BMP8A: variants seen among roughly 807,000 people sequenced by gnomAD.
BMP8A encodes bone morphogenetic protein 8a, also known as BMP-8A.
A neutral mutation model predicts 36.8 loss-of-function variants in BMP8A; 14 were observed. The observed-to-expected ratio is 0.38, with a 90% confidence interval of 0.25 to 0.60. The LOEUF is 0.60. Ranked by LOEUF, BMP8A falls within the 20% of genes least tolerant of loss-of-function variation. The pLI is 0.63. For synonymous variants in BMP8A, 120 were observed against 237.7 expected (o/e 0.50, Z 4.55); for missense variants, 267 against 551.1 (o/e 0.48, Z 5.16).
rs1443900439 is a variant in BMP8A at position 39,491,734 on chromosome 1, G to A, written c.-258G>A. The A allele has an allele frequency of 5.7e-6, 1 of 175,120 alleles. No individual in the cohort carries two copies. The highest frequency in any genetic ancestry group is 2.4e-5 in the African/African-American group (1 of 41,870). The allele number at this position is 175,120 out of a possible 1,614,324, so 10.8% of individuals were successfully genotyped here. A position where few individuals can be genotyped will look rare whatever the true frequency, so the allele number is the denominator to read the frequency against. On this transcript the variant is annotated 5_prime_UTR_variant, in exon 1 of 7. Coordinates refer to ENST00000331593, the MANE Select transcript of BMP8A (RefSeq NM_181809.4). ...TGGGAACGGCGGCGACAGACGGATT[G>A]GCTGACAGTCCCAGCCCTCAGAACA...
In BMP8A at chr1:39,526,923, A is replaced by T. The variant is rs950873197; in HGVS notation, c.*1125A>T. On this transcript the variant is annotated 3_prime_UTR_variant, in exon 7 of 7. Coordinates refer to ENST00000331593, the MANE Select transcript of BMP8A (RefSeq NM_181809.4). ...ACCTACGTACCTTTCCCACTGAACC[A>T]GGACAGGGCCTCCAGGCCTCAGCAC... is the stretch of plus-strand genomic sequence containing the variant. Among the ~76,000 whole-genome samples, 3 of 152,316 alleles carry T rather than the reference A, an allele frequency of 2.0e-5. No individual in the cohort carries two copies. The East Asian group carries it at 5.8e-4, about 29-fold the overall frequency.
In BMP8A at chr1:39,523,663, C is replaced by T; in HGVS notation, c.1059+546C>T. 3 of 1,446,612 alleles carry T rather than the reference C, an allele frequency of 2.1e-6. No individual in the cohort carries two copies. In the South Asian group the frequency reaches 4.2e-5, roughly 20 times the overall value. The allele number at this position is 1,446,612 out of a possible 1,614,324, so 89.6% of individuals were successfully genotyped here. A position where few individuals can be genotyped will look rare whatever the true frequency, so the allele number is the denominator to read the frequency against. ...TTGGCTGTCTGTGTTTTCTCTGGAT[C>T]CCCTGGCTTTTGATGCCTTGGTGTC... is the stretch of plus-strand genomic sequence containing the variant. On this transcript the variant is annotated intron_variant, in intron 6 of 6. Coordinates refer to ENST00000331593, the MANE Select transcript of BMP8A (RefSeq NM_181809.4).
Position 39,514,835 on chromosome 1 carries a change from C to T in BMP8A, c.673+2931C>T, listed in dbSNP as rs553276838. 9.3e-6 allele frequency: 11 copies of T among 1,177,506 alleles called. No homozygotes were observed. In the African/African-American group the frequency reaches 1.1e-4, roughly 12 times the overall value. The allele number at this position is 1,177,506 out of a possible 1,614,324, so 72.9% of individuals were successfully genotyped here. A position where few individuals can be genotyped will look rare whatever the true frequency, so the allele number is the denominator to read the frequency against. ...GCCTGGCCTAGAGCCTGCGCCTGGC[C>T]GGGGAGACCTGCTGGGAGGGAGTGC... On this transcript the variant is annotated intron_variant, in intron 3 of 6. Coordinates refer to ENST00000331593, the MANE Select transcript of BMP8A (RefSeq NM_181809.4).
chr1:39,492,384 C>A lies in BMP8A; in HGVS notation c.334+59C>A, dbSNP rs1645168594. ...GTAAGCTGGCTGCAGGGGAGGGGCG[C>A]GCATCCGCGGGCGGTGCCGGGCCCT... On this transcript the variant is annotated intron_variant, in intron 1 of 6. Coordinates refer to ENST00000331593, the MANE Select transcript of BMP8A (RefSeq NM_181809.4). 6.3e-6 allele frequency: 9 copies of A among 1,426,604 alleles called. No individual in the cohort carries two copies. In the East Asian group the frequency reaches 2.5e-4, roughly 40 times the overall value. The allele number at this position is 1,426,604 out of a possible 1,614,324, so 88.4% of individuals were successfully genotyped here. A position where few individuals can be genotyped will look rare whatever the true frequency, so the allele number is the denominator to read the frequency against.
chr1:39,497,796 G>A (rs544828693), intron 1 of BMP8A, among the ~76,000 whole-genome samples: 3 of 152,296 alleles, frequency 2.0e-5, no homozygotes, highest in South Asian at 4.1e-4. Flanking sequence ...AACCCAGCAG[G>A]AGGCAGGGAG....
chr1:39,519,359 CACTT>C (rs1345449878), intron 3 of BMP8A, among the ~76,000 whole-genome samples: 1 of 140,968 alleles, frequency 7.1e-6, no homozygotes, highest in Non-Finnish European at 1.6e-5. Context: ...GTTGTGACCT[CACTT>C]GTCTTTTCCT....
intron 1 of BMP8A, among the ~76,000 whole-genome samples, chr1:39,494,567 C>T (rs1275869019): frequency 6.6e-6 from 1 of 152,076 alleles, no homozygotes; most frequent in Non-Finnish European, 1.5e-5. Context: ...ATTGCCCAGA[C>T]TGGTCTTGAA....
At chr1:39,494,486 G>A (rs1053963356) in intron 1 of BMP8A, among the ~76,000 whole-genome samples, 3 of 151,360 alleles carry the variant, frequency 2.0e-5, no homozygotes, top group African/African-American at 7.3e-5. Context: ...CAGTAGCTAG[G>A]GCTACAGTCG....
intron 1 of BMP8A, among the ~76,000 whole-genome samples, chr1:39,505,985 CCA>C (rs1491384480): frequency 4.3e-5 from 4 of 93,914 alleles, no homozygotes; most frequent in Non-Finnish European, 6.0e-5. Flanking sequence ...GACCCTGTCT[CCA>C]AAAAAAAAAA....
intron 1 of BMP8A, among the ~76,000 whole-genome samples, chr1:39,497,970 G>A (rs890089172): frequency 5.9e-5 from 9 of 152,178 alleles, no homozygotes; most frequent in African/African-American, 9.7e-5. Context: ...GGGCATTCTC[G>A]GGTGTCTGTT....
In BMP8A at chr1:39,527,035, A is replaced by G. The variant is rs1645490103; in HGVS notation, c.*1237A>G. Among the ~76,000 whole-genome samples, 1 of 152,012 alleles carries G rather than the reference A, an allele frequency of 6.6e-6. No individual in the cohort carries two copies. The highest frequency in any genetic ancestry group is 2.1e-4 in the South Asian group (1 of 4,816). ...ACTGCAGAGCAATCCATTCCATCCA[A>G]AGCAGGGTGACTGGCAGTCTCCGGC... On this transcript the variant is annotated 3_prime_UTR_variant, in exon 7 of 7. Coordinates refer to ENST00000331593, the MANE Select transcript of BMP8A (RefSeq NM_181809.4).
In BMP8A at chr1:39,525,682, G is replaced by T. The variant is rs1645475931; in HGVS notation, c.1093G>T (p.Ala365Ser). Residue 365 changes from alanine to serine, a missense_variant, in exon 7 of 7, where the codon GCG (alanine) becomes TCG (serine). Around this residue, in one of 7 missense-constraint regions of BMP8A, gnomAD observed 132 missense variants for 151.3 expected, o/e 0.87. Coordinates refer to ENST00000331593, the MANE Select transcript of BMP8A (RefSeq NM_181809.4). ...GATGAAGCCAAACGCAGTCCCCAAG[G>T]CGTGCTGTGCACCCACCAAGCTGAG... Reference protein sequence around the residue: ...HLMKPNAVPKACCAPTKLSAT... With the variant: ...HLMKPNAVPKSCCAPTKLSAT... The T allele has an allele frequency of 6.2e-7, 1 of 1,614,106 alleles. No individual in the cohort carries two copies. Among genetic ancestry groups the T allele is most frequent in the East Asian group, 2.2e-5 (1 of 44,872 alleles).
In BMP8A at chr1:39,524,326, G is replaced by A. The variant is rs1645460747; in HGVS notation, c.1059+1209G>A. Among the ~76,000 whole-genome samples, 3 of 152,088 alleles carry A rather than the reference G, an allele frequency of 2.0e-5. No homozygotes were observed. The highest frequency in any genetic ancestry group is 4.4e-5 in the Non-Finnish European group (3 of 68,020). ...TAGAGTGAGTGCTCACAGCCTACAG[G>A]GCAGCAAACAGGCACTGTGCTCTAG... On this transcript the variant is annotated intron_variant, in intron 6 of 6. Transcript: ENST00000331593. The surrounding 1 kb of genome is among the most constrained non-coding windows in gnomAD (Gnocchi z 4.0).
intron 3 of BMP8A, among the ~76,000 whole-genome samples, chr1:39,521,032 C>T (rs186529047): frequency 0.026 from 2,207 of 85,788 alleles, 211 homozygotes; most frequent in Non-Finnish European, 0.035. Context: ...GCTGCAGGGT[C>T]ACTGTAAGGA....
intron 1 of BMP8A, among the ~76,000 whole-genome samples, chr1:39,502,861 T>C (rs979899572): frequency 6.6e-6 from 1 of 152,170 alleles, no homozygotes; most frequent in African/African-American, 2.4e-5. Context: ...CTGACCAATA[T>C]GGTGAAACCT....
chr1:39,515,537 C>A, intron 3 of BMP8A: 1 of 1,259,376 alleles, frequency 7.9e-7, no homozygotes, highest in Non-Finnish European at 1.1e-6. Flanking sequence ...AGTTCAACGG[C>A]GACCACTTCC....
At chr1:39,508,233 A>G (rs1645319305) in intron 1 of BMP8A, among the ~76,000 whole-genome samples, 1 of 149,622 alleles carries the variant, frequency 6.7e-6, no homozygotes, top group African/African-American at 2.5e-5. Context: ...CCTGGGAGAC[A>G]GAGCAAGACT....
At position 39,526,735 on chromosome 1, in the gene BMP8A, TGGGGGCTTCC is replaced by T. The variant is rs1645487369; in HGVS notation, c.*938_*947del. 6.6e-6 allele frequency among the ~76,000 whole-genome samples: 1 copy of T among 152,186 alleles called. No homozygotes were observed. The highest frequency in any genetic ancestry group is 2.4e-5 in the African/African-American group (1 of 41,440). Reference sequence around the variant, plus strand: ...TGACTCCCACAGGAGCAAAGAATCCTGGGGGCTTCCAGTTCCCTCCACCATCTCTACCATG... The same window carrying T: ...TGACTCCCACAGGAGCAAAGAATCCTAGTTCCCTCCACCATCTCTACCATG... On this transcript the variant is annotated 3_prime_UTR_variant, in exon 7 of 7. Coordinates refer to ENST00000331593, the MANE Select transcript of BMP8A (RefSeq NM_181809.4).
intron 1 of BMP8A, 150 bp from the exon 2 acceptor site, chr1:39,511,024 T>G (rs944545351): frequency 1.7e-6 from 2 of 1,183,678 alleles, no homozygotes; most frequent in African/African-American, 3.1e-5. Flanking sequence ...AACAAACGTT[T>G]GCACAAAATG....
Sources: allele counts gnomAD v4.1 joint callset (sites outside exome capture counted in the v4.1 genomes callset), GRCh38; gene constraint gnomAD v4.1.1; regional missense constraint gnomAD v4.1.1; non-coding constraint Gnocchi (gnomAD v3.1); transcripts MANE v1.5; gene names NCBI Gene and HGNC (gene_info 2026-07-23, HGNC 2026-07-21).